The following FAM135B variants were observed in gnomAD, a reference collection of about 807,000 sequenced individuals.
FAM135B encodes the protein protein FAM135B.
In FAM135B, 43 loss-of-function variants were observed where a neutral mutation model predicts 127.7. The ratio of observed to expected loss-of-function variants is 0.34; its 90% CI spans 0.26 to 0.43. The LOEUF is 0.43. Among genes scored for constraint, FAM135B ranks in the 20% least tolerant of loss-of-function variants. The probability of loss-of-function intolerance (pLI) is 1.00; values close to 1 mark genes in which losing one functional copy is unlikely to be tolerated. For missense variants in FAM135B, 1,558 were observed against 1,725.6 expected (o/e 0.90, Z 1.72); for synonymous variants, 670 against 665.1 (o/e 1.01, Z -0.11).
Position 138,187,422 on chromosome 8 carries a change from T to C in FAM135B, c.873+7836A>G, listed in dbSNP as rs114602228. On this transcript the variant is annotated intron_variant, in intron 9 of 19. Coordinates refer to ENST00000395297, the MANE Select transcript of FAM135B (RefSeq NM_015912.4). ...AAATGAACATGTGCCACCTATTCTC[T>C]GTGAGAGAGACTTCATCTACACAAC... Among the ~76,000 whole-genome samples the C allele has an allele frequency of 2.6e-3, 392 of 152,174 alleles. 2 individuals are homozygous for C. The highest frequency in any genetic ancestry group is 9.2e-3 in the African/African-American group (380 of 41,502).
chr8:138,177,327 G>C lies in FAM135B; in HGVS notation c.1103+20C>G, dbSNP rs781237394. On this transcript the variant is annotated intron_variant, in intron 11 of 19. Coordinates refer to ENST00000395297, the MANE Select transcript of FAM135B (RefSeq NM_015912.4). ...GGTGGCTGCTTTTAGGGATGAAGTGGGCATGCAATGGATACTTACAGATTC... is the reference window on the plus strand; with the variant it reads ...GGTGGCTGCTTTTAGGGATGAAGTGCGCATGCAATGGATACTTACAGATTC... The C allele has an allele frequency of 6.2e-7, 1 of 1,609,992 alleles. No individual in the cohort carries two copies. The highest frequency in any genetic ancestry group is 8.5e-7 in the Non-Finnish European group (1 of 1,177,118).
At chr8:138,138,617 T>C (rs574558314) in intron 18 of FAM135B, among the ~76,000 whole-genome samples, 1 of 152,278 alleles carries the variant, frequency 6.6e-6, no homozygotes, top group East Asian at 1.9e-4. Context: ...TCAACATCAG[T>C]GGAAAATGTT....
intron 1 of FAM135B, among the ~76,000 whole-genome samples, chr8:138,450,245 C>T (rs1382357261): frequency 6.6e-6 from 1 of 152,194 alleles, no homozygotes; most frequent in East Asian, 1.9e-4. Context: ...ATCTACTTAA[C>T]TACTGAAGGA....
At chr8:138,134,734 T>G (rs1461963172) in intron 19 of FAM135B, among the ~76,000 whole-genome samples, 2 of 152,042 alleles carry the variant, frequency 1.3e-5, no homozygotes, top group Non-Finnish European at 2.9e-5. Context: ...TCATATCAAG[T>G]CTCCCAATCT....
intron 2 of FAM135B, among the ~76,000 whole-genome samples, chr8:138,346,805 C>A (rs1587175999): frequency 1.4e-5 from 2 of 144,442 alleles, no homozygotes; most frequent in Non-Finnish European, 1.5e-5. Flanking sequence ...ACACCCTGCA[C>A]ATGTACCCTG....
rs1818176561 is a variant in FAM135B, at chr8:138,151,778, T to G, written c.2697A>C (p.Ala899=). The change falls in exon 13 of 20, where the codon GCA becomes GCC. Residue 899 remains alanine (A), a synonymous_variant. Coordinates refer to ENST00000395297, the MANE Select transcript of FAM135B (RefSeq NM_015912.4). ...GCATGCCCTTTGGGGTTTCCTCAAGTGCTCTATGAAGAGATCTGGTCCTGG... is the reference window on the plus strand; with the variant it reads ...GCATGCCCTTTGGGGTTTCCTCAAGGGCTCTATGAAGAGATCTGGTCCTGG... ...ENPRTRSLHR[A]LEETPKGMPK... 6.2e-7 allele frequency: 1 copy of G among 1,614,132 alleles called. No homozygotes were observed. Among genetic ancestry groups the G allele is most frequent in the Non-Finnish European group, 8.5e-7 (1 of 1,180,018 alleles).
intron 1 of FAM135B, among the ~76,000 whole-genome samples, chr8:138,464,828 G>C (rs1162407683): frequency 3.9e-5 from 6 of 152,132 alleles, no homozygotes; most frequent in African/African-American, 1.4e-4. Context: ...TGCCCCCTAC[G>C]CTGGCCCTGG....
At chr8:138,365,733 T>A (rs574931540) in intron 2 of FAM135B, among the ~76,000 whole-genome samples, 1 of 152,296 alleles carries the variant, frequency 6.6e-6, no homozygotes, top group Admixed American at 6.5e-5. Flanking sequence ...TAACTCTTCA[T>A]AACCAACGAT....
intron 2 of FAM135B, among the ~76,000 whole-genome samples, chr8:138,365,246 G>A (rs929409361): frequency 5.3e-5 from 8 of 152,100 alleles, no homozygotes; most frequent in African/African-American, 1.9e-4. Flanking sequence ...TGGTGAGCAT[G>A]GATAAACGAG....
At chr8:138,370,519 T>A (rs340711) in intron 1 of FAM135B, among the ~76,000 whole-genome samples, 76,890 of 151,878 alleles carry the variant, frequency 0.51, 21,392 homozygotes, top group Non-Finnish European at 0.64. Context: ...TGGCTCCATC[T>A]CGGCTCACTG....
Position 138,351,683 on chromosome 8 carries a change from C to CTT in FAM135B, c.77+16222_77+16223dup, listed in dbSNP as rs889424592. ...AAATTCCTACATGCTTAGGGCAGATCTTTTTTTTTTTTTTTTTTTTTTTTA... is the reference window on the plus strand; with the variant it reads ...AAATTCCTACATGCTTAGGGCAGATCTTTTTTTTTTTTTTTTTTTTTTTTTTA... On this transcript the variant is annotated intron_variant, in intron 2 of 19. Coordinates refer to ENST00000395297, the MANE Select transcript of FAM135B (RefSeq NM_015912.4). Among the ~76,000 whole-genome samples the CTT allele has an allele frequency of 3.6e-3, 395 of 109,444 alleles. 2 individuals are homozygous for CTT. The highest frequency in any genetic ancestry group is 5.1e-3 in the Non-Finnish European group (273 of 53,602). The allele number at this position is 109,444 out of a possible 152,430, so 71.8% of individuals were successfully genotyped here. A position where few individuals can be genotyped will look rare whatever the true frequency, so the allele number is the denominator to read the frequency against.
intron 2 of FAM135B, among the ~76,000 whole-genome samples, chr8:138,336,771 T>G (rs868085159): frequency 6.6e-6 from 1 of 152,134 alleles, no homozygotes; most frequent in African/African-American, 2.4e-5. Flanking sequence ...GCCAGCATCA[T>G]CCTGATACCA....
intron 1 of FAM135B, among the ~76,000 whole-genome samples, chr8:138,429,287 C>A (rs1196212456): frequency 6.6e-6 from 1 of 152,184 alleles, no homozygotes; most frequent in Non-Finnish European, 1.5e-5. Flanking sequence ...GTCCTATTCA[C>A]ACTTTGAGCC....
chr8:138,151,946 T>A lies in FAM135B; in HGVS notation c.2529A>T (p.Gly843=), dbSNP rs2130749656. The part of the protein sequence containing the change: ...VLDADNQQGP[G]YIDIPKGKGK... ...CTTTCCCTTTGGGGATGTCTATGTA[T>A]CCGGGGCCCTGCTGGTTGTCAGCAT... The change falls in exon 13 of 20, where the codon GGA becomes GGT. Residue 843 remains glycine (G), a synonymous_variant. Transcript: ENST00000395297. 1.2e-6 allele frequency: 2 copies of A among 1,614,140 alleles called. No homozygotes were observed. Among genetic ancestry groups the A allele is most frequent in the Non-Finnish European group, 1.7e-6 (2 of 1,180,020 alleles).
At chr8:138,275,754 C>A (rs375187115) in intron 3 of FAM135B, among the ~76,000 whole-genome samples, 1 of 152,056 alleles carries the variant, frequency 6.6e-6, no homozygotes, top group Non-Finnish European at 1.5e-5. Context: ...CCCCTCCTGG[C>A]GCTTAGAATG....
intron 1 of FAM135B, among the ~76,000 whole-genome samples, chr8:138,470,810 G>A (rs754008635): frequency 7.2e-5 from 11 of 152,186 alleles, no homozygotes; most frequent in Admixed American, 1.3e-4. Context: ...TACATGTGAC[G>A]TCTGACAAGT....
intron 1 of FAM135B, among the ~76,000 whole-genome samples, chr8:138,442,276 A>ATATATT: frequency 7.2e-6 from 1 of 139,860 alleles, no homozygotes; most frequent in Admixed American, 7.1e-5. Flanking sequence ...ATATATATAT[A>ATATATT]TGAAAAACCT....
At position 138,168,008 on chromosome 8, in the gene FAM135B, G is replaced by A. The variant is rs567971711; in HGVS notation, c.1145C>T (p.Ser382Leu). ...CGGGGGCATGCTAGTGAGGTACTCC[G>A]AGTTCCGGATATCCAGGGACAGCTG... ...HSQLSLDIRNSEYLTSMPPLP... is the reference protein window; with the variant it reads ...HSQLSLDIRNLEYLTSMPPLP... The change falls in exon 12 of 20, where the codon TCG becomes TTG. Residue 382 changes from serine to leucine, a missense_variant. Physicochemically the swap from Ser to Leu is moderately radical, Grantham distance 145. Transcript: ENST00000395297. The A allele has an allele frequency of 5.6e-6, 9 of 1,613,870 alleles. No homozygotes were observed. The highest frequency in any genetic ancestry group is 1.3e-5 in the African/African-American group (1 of 75,020).
chr8:138,314,492 G>A (rs2130910987), intron 2 of FAM135B, among the ~76,000 whole-genome samples: 1 of 151,730 alleles, frequency 6.6e-6, no homozygotes, highest in South Asian at 2.1e-4. Context: ...TCACCAAAGG[G>A]GACACACAGA....
Sources: gnomAD v4.1 joint callset for allele counts (sites outside exome capture counted in the v4.1 genomes callset) on GRCh38, gnomAD v4.1.1 for gene constraint, MANE v1.5 for transcripts, NCBI Gene and HGNC (gene_info 2026-07-23, HGNC 2026-07-21) for gene names.